PRKAG2: variants seen among roughly 807,000 people sequenced by gnomAD.
PRKAG2 encodes 5'-AMP-activated protein kinase subunit gamma-2.
A neutral mutation model predicts 69.6 loss-of-function variants in PRKAG2; 26 were observed. The ratio of observed to expected loss-of-function variants is 0.37; its 90% CI spans 0.27 to 0.52. PRKAG2 has a LOEUF of 0.52. PRKAG2 is among the 20% of genes least tolerant of loss of function. The probability of loss-of-function intolerance (pLI) is 0.90; values close to 1 mark genes in which losing one functional copy is unlikely to be tolerated. For missense variants in PRKAG2, 557 were observed against 740.0 expected, an observed-to-expected ratio of 0.75 and a Z score of 2.87; for synonymous variants, 293 against 285.0, an observed-to-expected ratio of 1.03 and a Z score of -0.28.
intron 1 of PRKAG2, among the ~76,000 whole-genome samples, chr7:151,813,562 G>T (rs1389377798): frequency 6.6e-6 from 1 of 151,868 alleles, no homozygotes; most frequent in East Asian, 1.9e-4. Flanking sequence ...CGACAAGAGG[G>T]ATGCTGGGTG....
chr7:151,559,013 G>A, intron 15 of PRKAG2: 1 of 985,426 alleles, frequency 1.0e-6, no homozygotes, highest in Non-Finnish European at 1.2e-6. Context: ...CGTGGTCCAG[G>A]GCTGGAAACG....
chr7:151,632,353 C>G lies in PRKAG2; in HGVS notation c.685-215G>C. On this transcript the variant is annotated intron_variant, in intron 4 of 15. Coordinates refer to ENST00000287878, the MANE Select transcript of PRKAG2 (RefSeq NM_016203.4). The surrounding 1 kb of genome is among the most constrained non-coding windows in gnomAD (Gnocchi z 4.2). ...GCCGCCGCCGCAGGTGGCGCGGCCG[C>G]GGCCCGCGTGCCCCTCCGCGAGTGG... 1.8e-6 allele frequency: 1 copy of G among 556,736 alleles called. No homozygotes were observed. Among genetic ancestry groups the G allele is most frequent in the African/African-American group, 2.1e-5 (1 of 48,586 alleles). 34.5% of individuals were successfully genotyped at this position (556,736 alleles called of 1,614,324 possible).
intron 5 of PRKAG2, among the ~76,000 whole-genome samples, chr7:151,608,643 T>C (rs928603083): frequency 6.6e-6 from 1 of 152,176 alleles, no homozygotes; most frequent in Non-Finnish European, 1.5e-5. Context: ...ATGACTATAT[T>C]GTGTTCCTGA....
At chr7:151,695,078 G>A (rs1389965963) in intron 3 of PRKAG2, among the ~76,000 whole-genome samples, 2 of 152,234 alleles carry the variant, frequency 1.3e-5, no homozygotes, top group African/African-American at 4.8e-5. Flanking sequence ...GCTGTTGGAG[G>A]AATCCTGCCA....
Position 151,807,698 on chromosome 7 carries a change from G to GA in PRKAG2, c.115-21158_115-21157insT, listed in dbSNP as rs2078187222. 2 of 431,468 alleles carry GA rather than the reference G, an allele frequency of 4.6e-6. No homozygotes were observed. The highest frequency in any genetic ancestry group is 9.5e-6 in the Non-Finnish European group (2 of 210,672). 26.7% of individuals were successfully genotyped at this position (431,468 alleles called of 1,614,324 possible). The stretch of plus-strand genomic sequence containing the variant: ...AACCGTTTCCACTGCCTATTCCCGG[G>GA]CCCCTCACTTGGGTCAAGGCAGCAT... On this transcript the variant is annotated intron_variant, in intron 1 of 15. Transcript: ENST00000287878. This position sits in a 1 kb window ranked among gnomAD's most constrained non-coding sequence, Gnocchi z 4.4.
intron 3 of PRKAG2, among the ~76,000 whole-genome samples, chr7:151,745,800 G>A (rs559171798): frequency 6.6e-6 from 1 of 152,292 alleles, no homozygotes; most frequent in Admixed American, 6.5e-5. Flanking sequence ...TTAAAATCTG[G>A]AAGGGGCATC....
At chr7:151,670,745 A>C (rs1227515319) in intron 4 of PRKAG2, among the ~76,000 whole-genome samples, 1 of 152,256 alleles carries the variant, frequency 6.6e-6, no homozygotes, top group African/African-American at 2.4e-5. Context: ...GCTGTTAATC[A>C]AATGGTAAAT....
At chr7:151,698,781 C>T (rs1417826623) in intron 3 of PRKAG2, among the ~76,000 whole-genome samples, 1 of 152,206 alleles carries the variant, frequency 6.6e-6, no homozygotes, top group Non-Finnish European at 1.5e-5. Flanking sequence ...TCTCCCAAAC[C>T]AACTCCCTGA....
chr7:151,748,708 T>C (rs371200743), intron 3 of PRKAG2, among the ~76,000 whole-genome samples: 1 of 152,286 alleles, frequency 6.6e-6, no homozygotes, highest in African/African-American at 2.4e-5. Context: ...GTGATAAGTA[T>C]CTATAGCAGA....
intron 3 of PRKAG2, among the ~76,000 whole-genome samples, chr7:151,684,896 T>C (rs1236647289): frequency 6.6e-6 from 1 of 152,152 alleles, no homozygotes; most frequent in Non-Finnish European, 1.5e-5. Context: ...TGGTTTCTCA[T>C]CACCTGGAGA....
intron 3 of PRKAG2, among the ~76,000 whole-genome samples, chr7:151,697,845 G>C (rs1836956324): frequency 6.6e-6 from 1 of 152,188 alleles, no homozygotes; most frequent in Admixed American, 6.5e-5. Flanking sequence ...AAGGCTGCCA[G>C]GATAAAGAAG....
intron 3 of PRKAG2, among the ~76,000 whole-genome samples, chr7:151,701,973 G>A (rs972081297): frequency 6.6e-6 from 1 of 152,162 alleles, no homozygotes; most frequent in Non-Finnish European, 1.5e-5. Context: ...CCTTCTGGCC[G>A]GCAGAACTGT....
intron 5 of PRKAG2, among the ~76,000 whole-genome samples, chr7:151,628,617 C>T (rs748745302): frequency 5.3e-5 from 8 of 151,834 alleles, no homozygotes. Context: ...GAGGCGGAAG[C>T]ACCACTTGAG....
intron 5 of PRKAG2, among the ~76,000 whole-genome samples, chr7:151,601,523 G>C (rs776070413): frequency 6.6e-6 from 1 of 152,116 alleles, no homozygotes; most frequent in Non-Finnish European, 1.5e-5. Flanking sequence ...AAAAGAAAGG[G>C]TGCCCAGTAA....
intron 1 of PRKAG2, among the ~76,000 whole-genome samples, chr7:151,845,589 G>T (rs2079411136): frequency 6.6e-6 from 1 of 152,176 alleles, no homozygotes; most frequent in African/African-American, 2.4e-5. Flanking sequence ...GGCAGCATCA[G>T]GACTGACTCG....
At position 151,556,759 on chromosome 7, in the gene PRKAG2, C is replaced by A; in HGVS notation, c.*442G>T. 6.0e-6 allele frequency: 1 copy of A among 166,528 alleles called. No individual in the cohort carries two copies. The highest frequency in any genetic ancestry group is 1.7e-4 in the East Asian group (1 of 5,886). 10.3% of individuals were successfully genotyped at this position (166,528 alleles called of 1,614,324 possible). ...AAACAAACTGATTTGGTAAAAGGTT[C>A]AAAGACTTCCACATTCAAGCTCGGT... On this transcript the variant is annotated 3_prime_UTR_variant, in exon 16 of 16. Coordinates refer to ENST00000287878, the MANE Select transcript of PRKAG2 (RefSeq NM_016203.4).
In PRKAG2 at chr7:151,780,859, A is replaced by C. The variant is rs1316109930; in HGVS notation, c.466+293T>G. 6.6e-6 allele frequency among the ~76,000 whole-genome samples: 1 copy of C among 152,220 alleles called. No individual in the cohort carries two copies. Among genetic ancestry groups the C allele is most frequent in the Non-Finnish European group, 1.5e-5 (1 of 68,042 alleles). On this transcript the variant is annotated intron_variant, in intron 3 of 15. Transcript: ENST00000287878. This position sits in a 1 kb window ranked among gnomAD's most constrained non-coding sequence, Gnocchi z 4.2. ...AGGCAAGTGTGTCATCTGATTGTCCATACAAGCTGTACTGTGAGTATCAGG... is the reference window on the plus strand; with the variant it reads ...AGGCAAGTGTGTCATCTGATTGTCCCTACAAGCTGTACTGTGAGTATCAGG...
At chr7:151,772,057 G>T (rs865799392) in intron 3 of PRKAG2, among the ~76,000 whole-genome samples, 6 of 152,236 alleles carry the variant, frequency 3.9e-5, no homozygotes, top group South Asian at 2.1e-4. Flanking sequence ...CACTCTGGTG[G>T]GGAGAGACAG....
chr7:151,560,204 C>A (rs1187766714), intron 15 of PRKAG2: 8 of 1,213,644 alleles, frequency 6.6e-6, no homozygotes, highest in Non-Finnish European at 8.3e-6. Flanking sequence ...GTCACTAGTT[C>A]TCTCACAAAG....
Sources: allele counts gnomAD v4.1 joint callset (sites outside exome capture counted in the v4.1 genomes callset), GRCh38; gene constraint gnomAD v4.1.1; non-coding constraint Gnocchi (gnomAD v3.1); transcripts MANE v1.5; gene names NCBI Gene and HGNC (gene_info 2026-07-23, HGNC 2026-07-21).